The following FMN2 variants were observed in gnomAD, a reference collection of about 807,000 sequenced individuals.
FMN2 encodes formin-2.
A neutral mutation model predicts 142.3 loss-of-function variants in FMN2; 51 were observed. The ratio of observed to expected loss-of-function variants is 0.36; its 90% confidence interval spans 0.29 to 0.45. The LOEUF (loss-of-function observed/expected upper bound fraction) is 0.45. FMN2 is among the 20% of genes least tolerant of loss of function. The pLI, the probability that FMN2 is intolerant of heterozygous loss-of-function variation, is 1.00. For missense variants in FMN2, 1,936 were observed against 2,122.8 expected, an observed-to-expected ratio of 0.91 and a Z score of 1.73; for synonymous variants, 882 against 869.8, an observed-to-expected ratio of 1.01 and a Z score of -0.25.
intron 14 of FMN2, among the ~76,000 whole-genome samples, chr1:240,361,179 A>ATATATATG (rs1672467593): frequency 9.4e-5 from 10 of 105,988 alleles, no homozygotes; most frequent in South Asian, 5.1e-4. Flanking sequence ...ATATATATAT[A>ATATATATG]TATATAAAAG....
At chr1:240,109,070 C>A (rs2103190518) in intron 1 of FMN2, among the ~76,000 whole-genome samples, 1 of 152,148 alleles carries the variant, frequency 6.6e-6, no homozygotes, top group Non-Finnish European at 1.5e-5. Flanking sequence ...AACCCACATG[C>A]ACACAAGGAA....
At chr1:240,228,601 C>T (rs1667429158) in intron 6 of FMN2, among the ~76,000 whole-genome samples, 1 of 151,994 alleles carries the variant, frequency 6.6e-6, no homozygotes, top group Admixed American at 6.6e-5. Flanking sequence ...AAAAAAGGTG[C>T]AGCCATTTGA....
chr1:240,335,656 T>G (rs1671529735), intron 13 of FMN2, among the ~76,000 whole-genome samples: 1 of 152,200 alleles, frequency 6.6e-6, no homozygotes, highest in Non-Finnish European at 1.5e-5. Flanking sequence ...GTGACCCTAT[T>G]ATCAGGATAT....
chr1:240,336,553 CAAAAAAA>C (rs552135436), intron 13 of FMN2, among the ~76,000 whole-genome samples: 18 of 50,492 alleles, frequency 3.6e-4, no homozygotes, highest in African/African-American at 4.9e-4. Flanking sequence ...TGGTATTCTC[CAAAAAAA>C]AAAAAAAAAA....
intron 16 of FMN2, among the ~76,000 whole-genome samples, chr1:240,441,915 G>A (rs551413229): frequency 1.3e-5 from 2 of 152,128 alleles, no homozygotes; most frequent in Middle Eastern, 3.4e-3. Flanking sequence ...ATAAAACCCC[G>A]CTCTGAATAC....
chr1:240,276,693 A>G (rs373047275), intron 7 of FMN2, among the ~76,000 whole-genome samples: 5 of 152,236 alleles, frequency 3.3e-5, no homozygotes, highest in African/African-American at 1.2e-4. Flanking sequence ...GGTGCAGACT[A>G]CACAGGCTGC....
intron 15 of FMN2, among the ~76,000 whole-genome samples, chr1:240,428,482 A>T (rs1340451546): frequency 6.6e-6 from 1 of 152,080 alleles, no homozygotes; most frequent in Admixed American, 6.6e-5. Context: ...TTGCCTTGGC[A>T]TCCTTAAGTG....
At chr1:240,270,851 G>C (rs554063449) in intron 7 of FMN2, among the ~76,000 whole-genome samples, 52 of 151,814 alleles carry the variant, frequency 3.4e-4, no homozygotes, top group Non-Finnish European at 7.2e-4. Context: ...AGGATGGATG[G>C]GGAAAGGGGA....
chr1:240,243,602 G>A (rs1667984865), intron 6 of FMN2, among the ~76,000 whole-genome samples: 1 of 152,118 alleles, frequency 6.6e-6, no homozygotes, highest in Admixed American at 6.5e-5. Context: ...CTAGCACCTG[G>A]CATTTGCAAG....
intron 7 of FMN2, among the ~76,000 whole-genome samples, chr1:240,284,996 A>G (rs1178750622): frequency 6.6e-6 from 1 of 152,032 alleles, no homozygotes; most frequent in African/African-American, 2.4e-5. Context: ...AAATTTGTCT[A>G]AATTTCTTGG....
At chr1:240,202,718 C>T (rs749485792) in intron 4 of FMN2, among the ~76,000 whole-genome samples, 4 of 152,124 alleles carry the variant, frequency 2.6e-5, no homozygotes, top group Non-Finnish European at 5.9e-5. Flanking sequence ...CCCACTTCAG[C>T]CTCGGAAAGT....
At chr1:240,388,468 G>A (rs1453429300) in intron 14 of FMN2, among the ~76,000 whole-genome samples, 1 of 151,994 alleles carries the variant, frequency 6.6e-6, no homozygotes, top group Non-Finnish European at 1.5e-5. Flanking sequence ...CAGAGTGTGA[G>A]AAAGACCTTG....
intron 4 of FMN2, among the ~76,000 whole-genome samples, chr1:240,198,227 AAT>A (rs1665988580): frequency 6.6e-6 from 1 of 152,206 alleles, no homozygotes; most frequent in Admixed American, 6.5e-5. Flanking sequence ...GAAACTTCTC[AAT>A]ATGTGAGCAG....
intron 15 of FMN2, among the ~76,000 whole-genome samples, chr1:240,430,573 C>G (rs1006202246): frequency 3.3e-4 from 50 of 151,942 alleles, no homozygotes; most frequent in Middle Eastern, 3.4e-3. Context: ...TTTTGTTTGG[C>G]CCAAAGATGT....
chr1:240,205,767 C>A (rs1009044112), intron 4 of FMN2, among the ~76,000 whole-genome samples: 3 of 151,572 alleles, frequency 2.0e-5, no homozygotes, highest in Admixed American at 6.6e-5. Flanking sequence ...GGCCAATGCC[C>A]TTCTTTCTAC....
intron 2 of FMN2, among the ~76,000 whole-genome samples, chr1:240,175,260 C>A (rs776525370): frequency 6.6e-6 from 1 of 152,122 alleles, no homozygotes; most frequent in Admixed American, 6.5e-5. Flanking sequence ...TTCCACCTTT[C>A]GGCTGTTGTG....
At chr1:240,264,336 G>A (rs983904800) in intron 7 of FMN2, among the ~76,000 whole-genome samples, 11 of 152,038 alleles carry the variant, frequency 7.2e-5, no homozygotes, top group Non-Finnish European at 1.5e-4. Flanking sequence ...AAGAGAACCG[G>A]TATTGGCATA....
intron 6 of FMN2, among the ~76,000 whole-genome samples, chr1:240,238,140 A>G (rs747833697): frequency 6.6e-6 from 1 of 152,184 alleles, no homozygotes; most frequent in Non-Finnish European, 1.5e-5. Context: ...CGAAAATTCA[A>G]ATTTACTTTT....
chr1:240,097,337 C>T (rs1263400439), intron 1 of FMN2, among the ~76,000 whole-genome samples: 2 of 148,518 alleles, frequency 1.3e-5, no homozygotes, highest in African/African-American at 2.5e-5. Flanking sequence ...TTGCTGCCAG[C>T]TATTTATTGT....
Sources: allele counts gnomAD v4.1 joint callset (sites outside exome capture counted in the v4.1 genomes callset), GRCh38; gene constraint gnomAD v4.1.1; transcripts MANE v1.5; gene names NCBI Gene and HGNC (gene_info 2026-07-23, HGNC 2026-07-21).